The following DGKI variants were observed in gnomAD, a reference collection of about 807,000 sequenced individuals.
DGKI encodes diacylglycerol kinase iota, also known as DAG kinase iota.
In DGKI, 55 loss-of-function variants were observed where a neutral mutation model predicts 147.5. That is an observed-to-expected ratio of 0.37 (90% confidence interval 0.30 to 0.47). The LOEUF (loss-of-function observed/expected upper bound fraction) is 0.47, where lower values mean the gene tolerates loss of function less well. DGKI is among the 20% of genes least tolerant of loss of function. The pLI is 1.00. For synonymous variants in DGKI, 469 were observed against 477.1 expected, an observed-to-expected ratio of 0.98 and a Z score of 0.22; for missense variants, 1,007 against 1,323.8, an observed-to-expected ratio of 0.76 and a Z score of 3.71.
intron 20 of DGKI, among the ~76,000 whole-genome samples, chr7:137,550,893 A>G (rs1324499170): frequency 6.6e-6 from 1 of 152,216 alleles, no homozygotes; most frequent in African/African-American, 2.4e-5. Flanking sequence ...GATTTCCAGC[A>G]AACCCTTGGT....
intron 28 of DGKI, among the ~76,000 whole-genome samples, chr7:137,415,774 G>C (rs1156373721): frequency 6.6e-6 from 1 of 152,138 alleles, no homozygotes; most frequent in Non-Finnish European, 1.5e-5. Context: ...GAGGTCAGGA[G>C]TTCAAGACCA....
At chr7:137,824,956 T>C (rs1798014087) in intron 1 of DGKI, among the ~76,000 whole-genome samples, 2 of 152,192 alleles carry the variant, frequency 1.3e-5, no homozygotes, top group Admixed American at 1.3e-4. Flanking sequence ...ATCCAGTCTA[T>C]CATTTATGGG....
At chr7:137,493,645 G>T in intron 21 of DGKI, 1 of 672,406 alleles carries the variant, frequency 1.5e-6, no homozygotes, top group Admixed American at 2.2e-5. Context: ...CAACACCAAA[G>T]AAAATGAAAG....
chr7:137,678,533 C>T, intron 3 of DGKI, 24 bp downstream of exon 3: 1 of 1,611,770 alleles, frequency 6.2e-7, no homozygotes, highest in Non-Finnish European at 8.5e-7. Flanking sequence ...GGCCTTCCCC[C>T]AGCAAGACGG....
intron 1 of DGKI, among the ~76,000 whole-genome samples, chr7:137,726,235 A>G (rs994023753): frequency 2.0e-4 from 31 of 152,164 alleles, no homozygotes; most frequent in African/African-American, 5.1e-4. Flanking sequence ...TGATGAATGA[A>G]TGCAGTCAAT....
chr7:137,673,038 TC>T (rs1822908131), intron 3 of DGKI, among the ~76,000 whole-genome samples: 1 of 152,078 alleles, frequency 6.6e-6, no homozygotes, highest in African/African-American at 2.4e-5. Flanking sequence ...TGCCTCGGCC[TC>T]CCAAAGTGCT....
At chr7:137,569,448 G>A (rs1189714347) in intron 19 of DGKI, among the ~76,000 whole-genome samples, 2 of 152,014 alleles carry the variant, frequency 1.3e-5, no homozygotes, top group African/African-American at 4.8e-5. Flanking sequence ...TTCTTCCCTG[G>A]CCGGGTGCGG....
rs1217849049 is a variant in DGKI at position 137,774,850 on chromosome 7, T to A, written c.401+71612A>T. On this transcript the variant is annotated intron_variant, in intron 1 of 32. Transcript: ENST00000614521. ...ATATGAAAAGGAGGAGGGAAGGGCTTAAAGGAGAACGAGAAAGACAAGCAG... is the reference window on the plus strand; with the variant it reads ...ATATGAAAAGGAGGAGGGAAGGGCTAAAAGGAGAACGAGAAAGACAAGCAG... The A allele has an allele frequency of 2.0e-5, 3 of 152,224 alleles. No homozygotes were observed. In the East Asian group the frequency reaches 5.8e-4, roughly 30 times the overall value. The allele number at this position is 152,224 out of a possible 1,614,324, so 9.4% of individuals were successfully genotyped here.
intron 12 of DGKI, among the ~76,000 whole-genome samples, chr7:137,593,853 C>G (rs1233582466): frequency 1.3e-5 from 2 of 152,076 alleles, no homozygotes; most frequent in Non-Finnish European, 2.9e-5. Flanking sequence ...TTAAAGTTCC[C>G]TTGAACAATA....
chr7:137,829,364 A>G (rs1326528112), intron 1 of DGKI, among the ~76,000 whole-genome samples: 3 of 152,220 alleles, frequency 2.0e-5, no homozygotes, highest in Non-Finnish European at 2.9e-5. Flanking sequence ...TAACTTGGGA[A>G]ACTAGACTTC....
At chr7:137,530,907 A>G (rs1817316435) in intron 20 of DGKI, among the ~76,000 whole-genome samples, 1 of 152,200 alleles carries the variant, frequency 6.6e-6, no homozygotes. Context: ...ACAAAAGAGA[A>G]GAATTTCTAC....
intron 12 of DGKI, among the ~76,000 whole-genome samples, chr7:137,590,884 GGGCGGCTTTTGCCGTAT>G (rs1819585348): frequency 1.3e-5 from 2 of 152,158 alleles, no homozygotes; most frequent in African/African-American, 4.8e-5. Flanking sequence ...GTAGAGATGG[GGGCGGCTTTTGCCGTAT>G]TGCCCAGGCT....
intron 28 of DGKI, among the ~76,000 whole-genome samples, chr7:137,441,703 G>C (rs974284665): frequency 7.9e-5 from 12 of 152,156 alleles, no homozygotes; most frequent in Non-Finnish European, 1.0e-4. Context: ...TTATTACAGA[G>C]GGAGGACTAT....
At chr7:137,538,245 C>T (rs1817581722) in intron 20 of DGKI, among the ~76,000 whole-genome samples, 1 of 152,148 alleles carries the variant, frequency 6.6e-6, no homozygotes, top group Admixed American at 6.5e-5. Context: ...AATTCTTAAA[C>T]TCAACCTAAA....
chr7:137,381,946 T>C lies in DGKI; in HGVS notation c.*9274A>G, dbSNP rs1448806819. 2.0e-5 allele frequency: 3 copies of C among 152,096 alleles called. No individual in the cohort carries two copies. The highest frequency in any genetic ancestry group is 1.9e-4 in the East Asian group (1 of 5,172). 9.4% of individuals were successfully genotyped at this position (152,096 alleles called of 1,614,324 possible). A position where few individuals can be genotyped will look rare whatever the true frequency, so the allele number is the denominator to read the frequency against. On this transcript the variant is annotated 3_prime_UTR_variant, in exon 33 of 33. Coordinates refer to ENST00000614521, the MANE Select transcript of DGKI (RefSeq NM_001321708.2). ...ACTTGCATTGGAAATTATGCTTGTA[T>C]GTAATTAGAGTCTCAATCCAACCAA...
At chr7:137,682,145 G>T (rs1473310813) in intron 2 of DGKI, among the ~76,000 whole-genome samples, 1 of 151,706 alleles carries the variant, frequency 6.6e-6, no homozygotes, top group Non-Finnish European at 1.5e-5. Flanking sequence ...AGCTGAGTGT[G>T]GTCTTGGGGG....
At chr7:137,804,699 T>C (rs895483254) in intron 1 of DGKI, among the ~76,000 whole-genome samples, 29 of 152,382 alleles carry the variant, frequency 1.9e-4, no homozygotes, top group Admixed American at 1.9e-3. Context: ...GAAATGGATA[T>C]ATTTCTTTTT....
At position 137,782,201 on chromosome 7, in the gene DGKI, T is replaced by C. The variant is rs188216754; in HGVS notation, c.401+64261A>G. On this transcript the variant is annotated intron_variant, in intron 1 of 32. Coordinates refer to ENST00000614521, the MANE Select transcript of DGKI (RefSeq NM_001321708.2). ...GGAAGGCTCATGGTCTGGGACAAGT[T>C]CTCAGCCCTGGTCACTGGCTGCCTG... Among the ~76,000 whole-genome samples the C allele has an allele frequency of 2.6e-5, 4 of 152,254 alleles. No homozygotes were observed. The East Asian group carries it at 7.7e-4, about 29-fold the overall frequency.
rs151092015 is a variant in DGKI, at chr7:137,391,232, T to C, written c.3162A>G (p.Glu1054=). The change falls in exon 33 of 33, where the codon GAA becomes GAG. Residue 1054 remains glutamate, a synonymous_variant. Coordinates refer to ENST00000614521, the MANE Select transcript of DGKI (RefSeq NM_001321708.2). ...NYKVIGHEDL[E]TAV Reference sequence around the variant, plus strand: ...CCGAATACCAGGGTCAAACAGCAGTTTCCAGGTCCTCATGGCCAATGACCT... The same window carrying C: ...CCGAATACCAGGGTCAAACAGCAGTCTCCAGGTCCTCATGGCCAATGACCT... The C allele has an allele frequency of 2.7e-4, 443 of 1,613,950 alleles. 3 individuals are homozygous for C. The East Asian group carries it at 6.2e-3, about 23-fold the overall frequency.
Sources: gnomAD v4.1 joint callset for allele counts (sites outside exome capture counted in the v4.1 genomes callset) on GRCh38, gnomAD v4.1.1 for gene constraint, MANE v1.5 for transcripts, NCBI Gene and HGNC (gene_info 2026-07-23, HGNC 2026-07-21) for gene names.